LY96: variants seen among roughly 807,000 people sequenced by gnomAD.
The protein encoded by LY96 is lymphocyte antigen 96, also known as myeloid differentiation protein-2.
A neutral mutation model predicts 18.9 loss-of-function variants in LY96; 18 were observed. That is an observed-to-expected ratio of 0.95 (90% CI 0.66 to 1.41). LY96 has a LOEUF of 1.41. Ranked by LOEUF, LY96 falls within the 40% of genes most tolerant of loss-of-function variation. The pLI is 0.00. For missense variants in LY96, 175 were observed against 182.4 expected, an observed-to-expected ratio of 0.96 and a Z score of 0.23; for synonymous variants, 66 against 62.6, an observed-to-expected ratio of 1.06 and a Z score of -0.26.
the LY96 span, among the ~76,000 whole-genome samples, chr8:74,092,953 T>A: frequency 6.6e-6 from 1 of 152,232 alleles, no homozygotes; most frequent in South Asian, 2.1e-4. Flanking sequence ...TAATTTGATT[T>A]GATTGTTTTT....
chr8:74,031,872 G>A (rs1425764940), downstream of LY96, among the ~76,000 whole-genome samples: 1 of 151,920 alleles, frequency 6.6e-6, no homozygotes, highest in Non-Finnish European at 1.5e-5. Flanking sequence ...GCCTGTAATC[G>A]CACCACTTTG....
At chr8:74,080,500 A>C in the LY96 span, among the ~76,000 whole-genome samples, 2 of 152,214 alleles carry the variant, frequency 1.3e-5, no homozygotes, top group African/African-American at 2.4e-5. Context: ...TGAGAGGCAA[A>C]AAATTGTAGA....
At chr8:74,082,355 A>C in the LY96 span, among the ~76,000 whole-genome samples, 3 of 152,204 alleles carry the variant, frequency 2.0e-5, no homozygotes. Context: ...ATAGGTTATC[A>C]ATAAATACTG....
the LY96 span, among the ~76,000 whole-genome samples, chr8:74,072,793 G>A: frequency 1.3e-5 from 2 of 152,196 alleles, no homozygotes; most frequent in African/African-American, 4.8e-5. Context: ...GAAAAAGCTG[G>A]GAGGGGAGGA....
At chr8:74,003,220 C>T (rs1328514502) in intron 1 of LY96, among the ~76,000 whole-genome samples, 1 of 152,118 alleles carries the variant, frequency 6.6e-6, no homozygotes, top group Non-Finnish European at 1.5e-5. Flanking sequence ...CGAGAGAGAC[C>T]TCGGGGGAAA....
At chr8:74,073,000 G>A in the LY96 span, among the ~76,000 whole-genome samples, 2 of 152,360 alleles carry the variant, frequency 1.3e-5, no homozygotes, top group Middle Eastern at 3.4e-3. Flanking sequence ...CCCTGTGTCT[G>A]TGTGAGCCTG....
chr8:74,019,338 T>G (rs1188373865), intron 3 of LY96, among the ~76,000 whole-genome samples: 2 of 152,226 alleles, frequency 1.3e-5, no homozygotes, highest in African/African-American at 2.4e-5. Flanking sequence ...GATAAATTCC[T>G]GGACACATAC....
chr8:74,048,668 C>G, the LY96 span: 1 of 152,172 alleles, frequency 6.6e-6, no homozygotes, highest in Non-Finnish European at 1.5e-5. Flanking sequence ...CTGATCAGAA[C>G]TTGGTCACGT....
At chr8:74,025,811 C>T (rs1224072199) in intron 3 of LY96, among the ~76,000 whole-genome samples, 2 of 152,168 alleles carry the variant, frequency 1.3e-5, no homozygotes, top group African/African-American at 2.4e-5. Flanking sequence ...AGTTCGAGAC[C>T]AGCCTGGTCA....
At chr8:74,081,040 T>C in the LY96 span, among the ~76,000 whole-genome samples, 120 of 124,874 alleles carry the variant, frequency 9.6e-4, no homozygotes, top group East Asian at 9.9e-3. Flanking sequence ...CTTTCTTTCT[T>C]TCTTTCTTTT....
chr8:74,060,044 T>C, the LY96 span, among the ~76,000 whole-genome samples: 1 of 151,996 alleles, frequency 6.6e-6, no homozygotes, highest in South Asian at 2.1e-4. Context: ...GGGGCTGAGG[T>C]GAGAGCCCAG....
At chr8:74,004,183 CTAAGATTT>C (rs1816357821) in intron 1 of LY96, among the ~76,000 whole-genome samples, 1 of 152,208 alleles carries the variant, frequency 6.6e-6, no homozygotes, top group Non-Finnish European at 1.5e-5. Flanking sequence ...AAGCTGAGAG[CTAAGATTT>C]TTCATCTTCT....
the LY96 span, among the ~76,000 whole-genome samples, chr8:74,088,331 CTTTT>C: frequency 6.6e-6 from 1 of 152,168 alleles, no homozygotes; most frequent in East Asian, 1.9e-4. Flanking sequence ...GTTCTTACTC[CTTTT>C]TCCACCTCTT....
At chr8:74,087,153 G>A in the LY96 span, among the ~76,000 whole-genome samples, 1 of 152,182 alleles carries the variant, frequency 6.6e-6, no homozygotes, top group East Asian at 1.9e-4. Context: ...GAAGCTTAGG[G>A]GTTTGCATTA....
the LY96 span, among the ~76,000 whole-genome samples, chr8:74,057,122 G>T: frequency 6.6e-6 from 1 of 152,162 alleles, no homozygotes; most frequent in Non-Finnish European, 1.5e-5. Flanking sequence ...AACACATGAT[G>T]TAGTTTCAGC....
intron 2 of LY96, among the ~76,000 whole-genome samples, chr8:74,007,043 A>C (rs1489082763): frequency 6.6e-6 from 1 of 152,118 alleles, no homozygotes. Flanking sequence ...GAGGAAGGAG[A>C]ATTAAGTAGG....
chr8:74,044,155 T>C, the LY96 span, among the ~76,000 whole-genome samples: 1 of 151,642 alleles, frequency 6.6e-6, no homozygotes, highest in South Asian at 2.1e-4. Context: ...GAAACATGTA[T>C]GTTATTTTTT....
intron 1 of LY96, among the ~76,000 whole-genome samples, chr8:74,002,392 T>G (rs544328246): frequency 2.0e-5 from 3 of 151,738 alleles, no homozygotes; most frequent in African/African-American, 7.2e-5. Context: ...TTACCTTAAG[T>G]TTTCTTCACT....
the LY96 span, among the ~76,000 whole-genome samples, chr8:74,064,835 A>G: frequency 6.6e-6 from 1 of 152,250 alleles, no homozygotes; most frequent in Non-Finnish European, 1.5e-5. Flanking sequence ...GAAGACACAC[A>G]GTGTAATAAC....
Sources: gnomAD v4.1 joint callset for allele counts (sites outside exome capture counted in the v4.1 genomes callset) on GRCh38, gnomAD v4.1.1 for gene constraint, MANE v1.5 for transcripts, NCBI Gene and HGNC (gene_info 2026-07-23, HGNC 2026-07-21) for gene names.